The following ADAD1 variants were observed in gnomAD, a reference collection of about 807,000 sequenced individuals.
ADAD1 encodes adenosine deaminase domain-containing protein 1.
In ADAD1, 46 loss-of-function variants were observed where a neutral mutation model predicts 66.8. That is an observed-to-expected ratio of 0.69 (90% CI 0.54 to 0.88). The LOEUF is 0.88. ADAD1 is among the 40% of genes least tolerant of loss of function. The pLI, the probability that ADAD1 is intolerant of heterozygous loss-of-function variation, is 0.00. For synonymous variants in ADAD1, 248 were observed against 229.4 expected (o/e 1.08, Z -0.73); for missense variants, 617 against 681.8 (o/e 0.91, Z 1.06).
intron 11 of ADAD1, among the ~76,000 whole-genome samples, chr4:122,416,728 A>G (rs1375112236): frequency 6.6e-6 from 1 of 151,838 alleles, no homozygotes; most frequent in Non-Finnish European, 1.5e-5. Flanking sequence ...GTGAGACCCT[A>G]TCTCAAAAAG....
chr4:122,383,969 A>G lies in ADAD1; in HGVS notation c.529+3A>G. 6.2e-7 allele frequency: 1 copy of G among 1,601,572 alleles called. No homozygotes were observed. Among genetic ancestry groups the G allele is most frequent in the Non-Finnish European group, 8.5e-7 (1 of 1,174,538 alleles). ...ACCACGAATTTTAGAAACATCAGGT[A>G]AATACTCTTGATTATAAAGTATTTA... On this transcript the variant is annotated splice_donor_region_variant and intron_variant, in intron 5 of 12. Transcript: ENST00000296513.
At chr4:122,407,793 C>A (rs984731609) in intron 7 of ADAD1, 115 bp from the exon 8 acceptor site, 18 of 1,158,530 alleles carry the variant, frequency 1.6e-5, no homozygotes, top group Non-Finnish European at 1.8e-5. Flanking sequence ...ATTATTTTTT[C>A]ATCTTTTCAG....
At chr4:122,415,659 AAAG>A in intron 11 of ADAD1, 43 bp downstream of exon 11, 1 of 1,523,900 alleles carries the variant, frequency 6.6e-7, no homozygotes, top group African/African-American at 1.4e-5. Context: ...TACTTAAGCA[AAAG>A]AAGACATTTT....
Position 122,412,678 on chromosome 4 carries a change from C to A in ADAD1, c.1118C>A (p.Pro373His), listed in dbSNP as rs1471782942. The A allele has an allele frequency of 1.9e-6, 3 of 1,613,792 alleles. No homozygotes were observed. The South Asian group carries it at 3.3e-5, about 18-fold the overall frequency. Residue 373 changes from proline (P) to histidine (H), a missense_variant, in exon 10 of 13, where the codon CCT becomes CAT. Transcript: ENST00000296513. ...EGKIYLTVYC[P>H]KDGVNRISSM... Reference sequence around the variant, plus strand: ...AAAATTTATCTGACTGTTTACTGTCCTAAAGATGGTGTTAATAGAATAAGC... The same window carrying A: ...AAAATTTATCTGACTGTTTACTGTCATAAAGATGGTGTTAATAGAATAAGC...
At chr4:122,417,532 A>G (rs180675338) in intron 11 of ADAD1, among the ~76,000 whole-genome samples, 5 of 152,304 alleles carry the variant, frequency 3.3e-5, no homozygotes, top group Middle Eastern at 3.4e-3. Flanking sequence ...ATTATAGATG[A>G]CAAGAGGAAA....
At chr4:122,379,798 G>T in intron 2 of ADAD1, 1 of 334,124 alleles carries the variant, frequency 3.0e-6, no homozygotes, top group South Asian at 8.1e-5. Context: ...GTAGTTTTAA[G>T]GTCTTTTACA....
chr4:122,401,298 A>G (rs903242382), intron 7 of ADAD1, among the ~76,000 whole-genome samples: 1 of 152,074 alleles, frequency 6.6e-6, no homozygotes, highest in South Asian at 2.1e-4. Context: ...ATATACTTGT[A>G]TAGTTTTGAG....
intron 4 of ADAD1, among the ~76,000 whole-genome samples, 172 bp from the exon 5 acceptor site, chr4:122,383,627 C>T (rs1795013426): frequency 6.6e-6 from 1 of 151,850 alleles, no homozygotes; most frequent in Non-Finnish European, 1.5e-5. Context: ...AGTTCAGATG[C>T]CCATTCAGTT....
rs1553926022 is a variant in ADAD1, at chr4:122,427,549, T to TC, written c.1618-2075dup. 1.5e-4 allele frequency among the ~76,000 whole-genome samples: 21 copies of TC among 141,534 alleles called. 1 individual carries two copies. Among genetic ancestry groups the TC allele is most frequent in the East Asian group, 6.0e-4 (3 of 5,000 alleles). 92.9% of individuals were successfully genotyped at this position (141,534 alleles called of 152,430 possible). On this transcript the variant is annotated intron_variant, in intron 12 of 12. Coordinates refer to ENST00000296513, the MANE Select transcript of ADAD1 (RefSeq NM_139243.4). ...TTTTTTTTTTTTTTTTTTTTTTTTT[T>TC]CCTGATGCGGAGTCTTGCTCTGTCA...
chr4:122,421,279 T>C lies in ADAD1; in HGVS notation c.1506T>C (p.Gly502=). 6.3e-7 allele frequency: 1 copy of C among 1,599,510 alleles called. No individual in the cohort carries two copies. The change falls in exon 12 of 13, where the codon GGT becomes GGC. Residue 502 remains glycine (G), a synonymous_variant. Transcript: ENST00000296513. Reference sequence around the variant, plus strand: ...TGCTTAGTTCCCCATTTAAAAGTGGTATGTCAATGGCAAGTCGGCTTTGTA... The same window carrying C: ...TGCTTAGTTCCCCATTTAAAAGTGGCATGTCAATGGCAAGTCGGCTTTGTA... ...KITESSPFKS[G]MSMASRLCKA...
intron 9 of ADAD1, among the ~76,000 whole-genome samples, chr4:122,412,212 T>C (rs1465853946): frequency 6.6e-6 from 1 of 152,044 alleles, no homozygotes; most frequent in Non-Finnish European, 1.5e-5. Flanking sequence ...CAAAGAAAAA[T>C]AGTTTTCCTT....
chr4:122,391,051 T>G (rs1016047519), intron 5 of ADAD1, among the ~76,000 whole-genome samples: 2 of 152,142 alleles, frequency 1.3e-5, no homozygotes, highest in Admixed American at 6.6e-5. Flanking sequence ...GTGGGGAGCT[T>G]TTTTGTTCTT....
intron 12 of ADAD1, among the ~76,000 whole-genome samples, chr4:122,427,523 C>CT (rs59864757): frequency 0.5 from 36,087 of 71,924 alleles, 14,658 homozygotes; most frequent in East Asian, 0.71. Flanking sequence ...ATCCAAAGGC[C>CT]TTTTTTTTTT....
intron 5 of ADAD1, among the ~76,000 whole-genome samples, chr4:122,386,499 G>C (rs987205506): frequency 2.6e-5 from 4 of 151,006 alleles, no homozygotes; most frequent in Non-Finnish European, 1.5e-5. Flanking sequence ...TTGCCTGTTT[G>C]ATCACAGTTT....
chr4:122,419,970 G>A (rs1796929068), intron 11 of ADAD1, among the ~76,000 whole-genome samples: 1 of 152,108 alleles, frequency 6.6e-6, no homozygotes, highest in African/African-American at 2.4e-5. Context: ...AACATTCAGA[G>A]CAAGACATTA....
chr4:122,387,886 A>G (rs1208745570), intron 5 of ADAD1, among the ~76,000 whole-genome samples: 1 of 151,626 alleles, frequency 6.6e-6, no homozygotes, highest in Non-Finnish European at 1.5e-5. Context: ...GAGCCTCCCG[A>G]GTAGCTGGGA....
At chr4:122,382,476 A>G (rs1475517000) in intron 4 of ADAD1, among the ~76,000 whole-genome samples, 1 of 151,998 alleles carries the variant, frequency 6.6e-6, no homozygotes, top group Non-Finnish European at 1.5e-5. Flanking sequence ...TTTTCTTTAG[A>G]TAGAGGCTCT....
At chr4:122,393,784 T>G (rs1795567889) in intron 6 of ADAD1, 127 bp downstream of exon 6, 2 of 630,468 alleles carry the variant, frequency 3.2e-6, no homozygotes, top group South Asian at 9.6e-5. Flanking sequence ...CCTTTCACAC[T>G]TCTACAAAAA....
intron 12 of ADAD1, among the ~76,000 whole-genome samples, chr4:122,422,724 A>T (rs1797059290): frequency 6.6e-6 from 1 of 152,094 alleles, no homozygotes; most frequent in Non-Finnish European, 1.5e-5. Flanking sequence ...AATTGTCAAA[A>T]CTTCCTTCCA....
Sources: allele counts gnomAD v4.1 joint callset (sites outside exome capture counted in the v4.1 genomes callset), GRCh38; gene constraint gnomAD v4.1.1; transcripts MANE v1.5; gene names NCBI Gene and HGNC (gene_info 2026-07-23, HGNC 2026-07-21).